Variants in PLPPR5 observed in about 807,000 individuals in gnomAD.
The protein encoded by PLPPR5 is phospholipid phosphatase related 5.
Under a neutral mutation model 33.9 loss-of-function variants are expected in PLPPR5, and 16 were observed. The ratio of observed to expected loss-of-function variants is 0.47; its 90% CI spans 0.32 to 0.72. PLPPR5 has a LOEUF of 0.72. Among genes scored for constraint, PLPPR5 ranks in the 30% least tolerant of loss-of-function variants. The pLI, the probability that PLPPR5 is intolerant of heterozygous loss-of-function variation, is 0.03. For synonymous variants in PLPPR5, 163 were observed against 150.3 expected, an observed-to-expected ratio of 1.08 and a Z score of -0.62; for missense variants, 301 against 406.7, an observed-to-expected ratio of 0.74 and a Z score of 2.23.
chr1:98,997,947 G>A (rs538858139), intron 1 of PLPPR5, among the ~76,000 whole-genome samples: 9 of 152,270 alleles, frequency 5.9e-5, no homozygotes, highest in African/African-American at 2.2e-4. Context: ...AAAGACAGAG[G>A]GAGAGACAGG....
At chr1:98,908,307 T>C (rs1170738686) in intron 5 of PLPPR5, among the ~76,000 whole-genome samples, 2 of 152,098 alleles carry the variant, frequency 1.3e-5, no homozygotes, top group Non-Finnish European at 2.9e-5. Context: ...CCATATCTAG[T>C]CAAAATGCCA....
chr1:98,941,846 G>A (rs553800932), intron 3 of PLPPR5, among the ~76,000 whole-genome samples: 1 of 150,680 alleles, frequency 6.6e-6, no homozygotes, highest in South Asian at 2.1e-4. Context: ...CAAACAAATA[G>A]CTCAAAGCAG....
Position 98,956,593 on chromosome 1 carries a change from T to A in PLPPR5, c.370+16A>T, listed in dbSNP as rs534312677. 1 of 1,558,824 alleles carries A rather than the reference T, an allele frequency of 6.4e-7. No homozygotes were observed. The highest frequency in any genetic ancestry group is 2.3e-5 in the East Asian group (1 of 42,678). On this transcript the variant is annotated intron_variant, in intron 2 of 5. Transcript: ENST00000263177. The stretch of plus-strand genomic sequence containing the variant: ...ACTGTTTCAGAAATATTAAAAATAA[T>A]TTAATGAACACATACCAAGAAATCG...
intron 3 of PLPPR5, among the ~76,000 whole-genome samples, chr1:98,934,131 A>G (rs11166140): frequency 0.034 from 5,179 of 152,234 alleles, 284 homozygotes; most frequent in African/African-American, 0.12. Flanking sequence ...TCTGGGATAA[A>G]TGTCCATGGG....
At chr1:98,970,034 C>A (rs781362918) in intron 1 of PLPPR5, among the ~76,000 whole-genome samples, 6 of 152,026 alleles carry the variant, frequency 3.9e-5, no homozygotes, top group Non-Finnish European at 5.9e-5. Context: ...TTCTGGGTTT[C>A]TTGGCTTTCA....
chr1:98,942,326 A>G (rs1650404993), intron 3 of PLPPR5, among the ~76,000 whole-genome samples: 2 of 152,226 alleles, frequency 1.3e-5, no homozygotes, highest in Non-Finnish European at 2.9e-5. Flanking sequence ...TACAGGCATG[A>G]GCCACTGCAC....
At chr1:99,002,081 T>C (rs1431542582) in intron 1 of PLPPR5, among the ~76,000 whole-genome samples, 1 of 152,128 alleles carries the variant, frequency 6.6e-6, no homozygotes, top group Non-Finnish European at 1.5e-5. Flanking sequence ...CAAGTGAGCA[T>C]GCTAACCCAG....
chr1:98,967,519 G>A (rs187396534), intron 1 of PLPPR5, among the ~76,000 whole-genome samples: 76 of 152,184 alleles, frequency 5.0e-4, no homozygotes, highest in Non-Finnish European at 8.4e-4. Flanking sequence ...ACCAAAACTT[G>A]CACAAAAAGA....
chr1:98,938,355 G>A (rs371411265), intron 3 of PLPPR5, among the ~76,000 whole-genome samples: 2 of 149,438 alleles, frequency 1.3e-5, no homozygotes, highest in Non-Finnish European at 3.0e-5. Flanking sequence ...GAGCCCAGGA[G>A]TTCAGGGCTG....
At chr1:98,936,257 G>C (rs551821109) in intron 3 of PLPPR5, among the ~76,000 whole-genome samples, 5 of 152,282 alleles carry the variant, frequency 3.3e-5, no homozygotes, top group African/African-American at 1.2e-4. Context: ...CAAATACAGT[G>C]TACCCTTCTG....
chr1:98,942,629 G>A (rs906487279), intron 3 of PLPPR5, among the ~76,000 whole-genome samples: 9 of 152,244 alleles, frequency 5.9e-5, no homozygotes, highest in East Asian at 5.8e-4. Context: ...CTGCTGGGCT[G>A]GCCCCTACAA....
chr1:98,974,097 T>C (rs1430988837), intron 1 of PLPPR5, among the ~76,000 whole-genome samples: 9 of 151,986 alleles, frequency 5.9e-5, no homozygotes, highest in African/African-American at 2.2e-4. Flanking sequence ...AAAGGAAGGC[T>C]CCAAAGTCCA....
At chr1:98,991,510 C>T (rs1345236718) in intron 1 of PLPPR5, among the ~76,000 whole-genome samples, 2 of 152,128 alleles carry the variant, frequency 1.3e-5, no homozygotes, top group African/African-American at 2.4e-5. Flanking sequence ...GAACATAAGA[C>T]ATCTTGTGTA....
At chr1:98,914,639 A>C in intron 5 of PLPPR5, 147 bp downstream of exon 5, 1 of 670,004 alleles carries the variant, frequency 1.5e-6, no homozygotes, top group Non-Finnish European at 2.3e-6. Context: ...TTCTATGATT[A>C]TCTCTTTAGT....
At chr1:98,965,056 G>A (rs931447644) in intron 1 of PLPPR5, among the ~76,000 whole-genome samples, 14 of 146,882 alleles carry the variant, frequency 9.5e-5, no homozygotes, top group East Asian at 4.0e-4. Flanking sequence ...TATGCAGTCC[G>A]CCCGCCTCAG....
chr1:98,982,232 A>C (rs1652084239), intron 1 of PLPPR5, among the ~76,000 whole-genome samples: 1 of 152,046 alleles, frequency 6.6e-6, no homozygotes, highest in East Asian at 1.9e-4. Context: ...TCAGATGTAA[A>C]TTTTACTGGC....
At chr1:98,972,096 A>C (rs1332515183) in intron 1 of PLPPR5, among the ~76,000 whole-genome samples, 1 of 152,084 alleles carries the variant, frequency 6.6e-6, no homozygotes, top group African/African-American at 2.4e-5. Context: ...ATGAGAAGAA[A>C]GAATTCATAA....
At chr1:98,947,651 CAG>C (rs748467255) in intron 3 of PLPPR5, among the ~76,000 whole-genome samples, 1 of 151,868 alleles carries the variant, frequency 6.6e-6, no homozygotes, top group Non-Finnish European at 1.5e-5. Context: ...GAAAGGGAGA[CAG>C]GGTTAATAAT....
chr1:98,960,326 C>T (rs1020665178), intron 1 of PLPPR5, among the ~76,000 whole-genome samples: 1 of 152,058 alleles, frequency 6.6e-6, no homozygotes, highest in African/African-American at 2.4e-5. Flanking sequence ...GTCTCAGCCT[C>T]CCAAGTAGGT....
Sources: gnomAD v4.1 joint callset for allele counts (sites outside exome capture counted in the v4.1 genomes callset) on GRCh38, gnomAD v4.1.1 for gene constraint, MANE v1.5 for transcripts, NCBI Gene and HGNC (gene_info 2026-07-23, HGNC 2026-07-21) for gene names.